The following ARL15 variants were observed in gnomAD, a reference collection of about 807,000 sequenced individuals.
The protein encoded by ARL15 is ADP-ribosylation factor-like protein 15.
Under a neutral mutation model 25.2 loss-of-function variants are expected in ARL15, and 19 were observed. The observed-to-expected ratio is 0.75, with a 90% confidence interval of 0.53 to 1.10. The LOEUF (loss-of-function observed/expected upper bound fraction) is 1.10. Ranked by LOEUF, ARL15 falls within the 50% of genes least tolerant of loss-of-function variation. The pLI, the probability that ARL15 is intolerant of heterozygous loss-of-function variation, is 0.00. For missense variants in ARL15, 220 were observed against 246.0 expected, an observed-to-expected ratio of 0.89 and a Z score of 0.71; for synonymous variants, 94 against 86.8, an observed-to-expected ratio of 1.08 and a Z score of -0.46.
chr5:54,249,876 C>T (rs948388890), intron 1 of ARL15, among the ~76,000 whole-genome samples: 25 of 152,214 alleles, frequency 1.6e-4, no homozygotes, highest in African/African-American at 6.0e-4. Context: ...GGAGAAAAAC[C>T]GAGTTAGAGT....
chr5:54,256,954 T>C (rs959564382), intron 1 of ARL15, among the ~76,000 whole-genome samples: 1 of 151,964 alleles, frequency 6.6e-6, no homozygotes, highest in African/African-American at 2.4e-5. Flanking sequence ...ATAAAATCCA[T>C]CCATATATGA....
chr5:54,167,372 C>A (rs1470038973), intron 2 of ARL15, among the ~76,000 whole-genome samples: 3 of 152,296 alleles, frequency 2.0e-5, no homozygotes, highest in Non-Finnish European at 4.4e-5. Flanking sequence ...CTGAGCTCCA[C>A]CTCAGCTCCC....
chr5:54,084,652 TTTGTCTGTGGCATTAGTGCACTGA>T (rs1751907438), intron 4 of ARL15, among the ~76,000 whole-genome samples: 1 of 152,084 alleles, frequency 6.6e-6, no homozygotes, highest in Admixed American at 6.5e-5. Flanking sequence ...CAGAGCCAGA[TTTGTCTGTGGCATTAGTGCACTGA>T]AAGCTGAGGG....
intron 1 of ARL15, among the ~76,000 whole-genome samples, chr5:54,259,167 A>C (rs1757436452): frequency 1.3e-5 from 2 of 152,142 alleles, no homozygotes; most frequent in South Asian, 4.2e-4. Flanking sequence ...AAAGAACAGA[A>C]CAGCCTGGGG....
chr5:53,942,956 A>C (rs1409302000), intron 4 of ARL15, among the ~76,000 whole-genome samples: 7 of 152,168 alleles, frequency 4.6e-5, no homozygotes, highest in Non-Finnish European at 7.3e-5. Context: ...TAGTTGAGTC[A>C]TGAGAGAACT....
At chr5:54,154,725 G>T in intron 2 of ARL15, 86 bp from the exon 3 acceptor site, 1 of 778,932 alleles carries the variant, frequency 1.3e-6, no homozygotes, top group Non-Finnish European at 2.0e-6. Context: ...CTCTTTTTAG[G>T]CTGGTTAAGA....
intron 3 of ARL15, among the ~76,000 whole-genome samples, chr5:54,149,185 G>A (rs558376472): frequency 6.6e-5 from 10 of 152,336 alleles, no homozygotes; most frequent in African/African-American, 2.4e-4. Flanking sequence ...AAGAGGCAAT[G>A]ATAGAAGAGA....
chr5:54,222,983 ATTTTTTTTT>A (rs35959438), intron 1 of ARL15, among the ~76,000 whole-genome samples: 105 of 127,076 alleles, frequency 8.3e-4, no homozygotes, highest in African/African-American at 3.1e-3. Context: ...CTATGCCTGG[ATTTTTTTTT>A]TTTTTTTTTT....
chr5:53,910,636 TATATATATATATATATATATATATA>T (rs1745424970), intron 4 of ARL15, among the ~76,000 whole-genome samples: 7 of 109,282 alleles, frequency 6.4e-5, no homozygotes, highest in Admixed American at 2.8e-4. Flanking sequence ...AAAAAAATTA[TATATATATATATATATATATATATA>T]TATATATATA....
intron 4 of ARL15, among the ~76,000 whole-genome samples, chr5:54,095,499 C>T (rs1752258565): frequency 6.6e-6 from 1 of 152,052 alleles, no homozygotes; most frequent in African/African-American, 2.4e-5. Flanking sequence ...TTGAGAGCTG[C>T]TAAAGGCTGG....
chr5:54,189,692 T>C (rs1171025528), intron 1 of ARL15, among the ~76,000 whole-genome samples: 2 of 152,028 alleles, frequency 1.3e-5, no homozygotes, highest in African/African-American at 2.4e-5. Flanking sequence ...ATAAAAAACA[T>C]AGAAACATAG....
chr5:54,138,519 C>A (rs1029348860), intron 3 of ARL15, among the ~76,000 whole-genome samples: 1 of 152,078 alleles, frequency 6.6e-6, no homozygotes, highest in Admixed American at 6.6e-5. Flanking sequence ...CAAAAATCAA[C>A]CCAAGATGGA....
intron 4 of ARL15, among the ~76,000 whole-genome samples, chr5:54,049,742 AT>A (rs1021727752): frequency 8.1e-5 from 12 of 148,000 alleles, no homozygotes; most frequent in South Asian, 2.2e-4. Flanking sequence ...AATTGTTCTG[AT>A]TTTTTTTTTG....
chr5:53,954,592 G>A (rs924530236), intron 4 of ARL15, among the ~76,000 whole-genome samples: 8 of 152,086 alleles, frequency 5.3e-5, no homozygotes, highest in African/African-American at 1.9e-4. Context: ...TGAAAAGTGA[G>A]TAGAAACTCA....
intron 1 of ARL15, among the ~76,000 whole-genome samples, chr5:54,256,560 A>C (rs1757372170): frequency 6.6e-6 from 1 of 150,754 alleles, no homozygotes; most frequent in Non-Finnish European, 1.5e-5. Flanking sequence ...ATCCTCTCTA[A>C]CTCAGTCTAT....
At chr5:54,170,795 C>T (rs772260106) in intron 2 of ARL15, among the ~76,000 whole-genome samples, 78 of 152,170 alleles carry the variant, frequency 5.1e-4, no homozygotes, top group Admixed American at 1.4e-3. Context: ...AATGTTTATG[C>T]AGCCAGTATA....
intron 1 of ARL15, among the ~76,000 whole-genome samples, chr5:54,212,639 T>C (rs557737147): frequency 2.8e-4 from 43 of 152,352 alleles, no homozygotes; most frequent in Admixed American, 1.8e-3. Context: ...GGGTGTACAA[T>C]GAACAGTGTT....
At position 54,227,026 on chromosome 5, in the gene ARL15, CAT is replaced by C. The variant is rs962053513; in HGVS notation, c.49-55100_49-55099del. 1.7e-3 allele frequency among the ~76,000 whole-genome samples: 253 copies of C among 152,264 alleles called. 1 individual carries two copies. The highest frequency in any genetic ancestry group is 5.9e-3 in the African/African-American group (245 of 41,552). ...TGTAAGACATCCCTTGCTTTTCCCC[CAT>C]GATTGTGTGGCCTCCCTAGCCATGT... On this transcript the variant is annotated intron_variant, in intron 1 of 4. Coordinates refer to ENST00000504924, the MANE Select transcript of ARL15 (RefSeq NM_019087.3).
chr5:54,034,229 T>C (rs976880549), intron 4 of ARL15, among the ~76,000 whole-genome samples: 1 of 152,220 alleles, frequency 6.6e-6, no homozygotes, highest in African/African-American at 2.4e-5. Context: ...TTCACTAAAA[T>C]TGAAAAATTA....
Sources: gnomAD v4.1 joint callset for allele counts (sites outside exome capture counted in the v4.1 genomes callset) on GRCh38, gnomAD v4.1.1 for gene constraint, MANE v1.5 for transcripts, NCBI Gene and HGNC (gene_info 2026-07-23, HGNC 2026-07-21) for gene names.